Variants in CDKN2AIPNL observed in about 807,000 individuals in gnomAD.
The protein encoded by CDKN2AIPNL is XRN2 binding domain containing 1.
CDKN2AIPNL carries 9 observed loss-of-function variants against 12.9 expected under a neutral mutation model. That is an observed-to-expected ratio of 0.70 (90% confidence interval 0.42 to 1.22). The LOEUF (loss-of-function observed/expected upper bound fraction) is 1.22, where lower values mean the gene tolerates loss of function less well. Ranked by LOEUF, CDKN2AIPNL falls within the 50% of genes most tolerant of loss-of-function variation. CDKN2AIPNL has a pLI of 0.00. For missense variants in CDKN2AIPNL, 143 were observed against 153.6 expected (o/e 0.93, Z 0.37); for synonymous variants, 53 against 61.7 (o/e 0.86, Z 0.66).
chr5:134,410,263 G>A (rs1204165578), intron 1 of CDKN2AIPNL, among the ~76,000 whole-genome samples: 1 of 152,136 alleles, frequency 6.6e-6, no homozygotes, highest in Admixed American at 6.5e-5. Flanking sequence ...AGCCTCCCGA[G>A]TAGCTGGGAT....
At chr5:134,407,461 T>G (rs1759122228) in intron 2 of CDKN2AIPNL, among the ~76,000 whole-genome samples, 1 of 151,952 alleles carries the variant, frequency 6.6e-6, no homozygotes, top group Non-Finnish European at 1.5e-5. Context: ...AGAAGTATAA[T>G]GGAGAACTGA....
intron 2 of CDKN2AIPNL, among the ~76,000 whole-genome samples, chr5:134,408,302 C>A (rs1198105977): frequency 1.3e-5 from 2 of 151,886 alleles, no homozygotes; most frequent in Non-Finnish European, 2.9e-5. Flanking sequence ...TTAAGTATTA[C>A]ATGAGAAGAT....
chr5:134,410,969 T>G, intron 1 of CDKN2AIPNL: 1 of 700,630 alleles, frequency 1.4e-6, no homozygotes, highest in South Asian at 1.5e-5. Context: ...TTTGTCCTTT[T>G]GGTGCTGCAG....
At chr5:134,407,406 T>C (rs553025858) in intron 2 of CDKN2AIPNL, among the ~76,000 whole-genome samples, 6 of 152,130 alleles carry the variant, frequency 3.9e-5, no homozygotes, top group African/African-American at 1.4e-4. Context: ...ATACCCAACA[T>C]GACTGGAAAG....
intron 2 of CDKN2AIPNL, among the ~76,000 whole-genome samples, chr5:134,407,256 AACACACACACACACAC>A (rs5871539): frequency 5.0e-5 from 7 of 139,606 alleles, no homozygotes; most frequent in African/African-American, 8.1e-5. Context: ...GACCCTTCCT[AACACACACACACACAC>A]ACACACACAC....
chr5:134,410,795 A>C, intron 1 of CDKN2AIPNL: 4 of 550,892 alleles, frequency 7.3e-6, no homozygotes, highest in Non-Finnish European at 3.2e-6. Context: ...GACCAGAGTC[A>C]GGCAGCCATA....
intron 1 of CDKN2AIPNL, among the ~76,000 whole-genome samples, chr5:134,411,309 CTAA>C: frequency 6.6e-6 from 1 of 152,294 alleles, no homozygotes; most frequent in South Asian, 2.1e-4. Context: ...ATGGTTTGAG[CTAA>C]TAATAATAGT....
In CDKN2AIPNL at chr5:134,411,709, G is replaced by A. The variant is rs141490962; in HGVS notation, c.146C>T (p.Pro49Leu). Residue 49 changes from proline to leucine, a missense_variant, in exon 1 of 3, where the codon CCC becomes CTC. This residue lies in a region of CDKN2AIPNL where 111 missense variants were observed against 111.4 expected (regional missense o/e 1.00). Coordinates refer to ENST00000458198, the MANE Select transcript of CDKN2AIPNL (RefSeq NM_080656.3). Reference sequence around the variant, plus strand: ...GCCGTCGGGCGGGTCGCGGTAGTCGGGCAGGTGGCGCAGGATGAATTCCAT... The same window carrying A: ...GCCGTCGGGCGGGTCGCGGTAGTCGAGCAGGTGGCGCAGGATGAATTCCAT... ...ARMEFILRHL[P>L]DYRDPPDGSG... 2 of 1,613,194 alleles carry A rather than the reference G, an allele frequency of 1.2e-6. No homozygotes were observed. The highest frequency in any genetic ancestry group is 2.7e-5 in the African/African-American group (2 of 75,008).
At chr5:134,408,686 AAAACAAAC>A (rs745665460) in intron 2 of CDKN2AIPNL, among the ~76,000 whole-genome samples, 59 of 152,068 alleles carry the variant, frequency 3.9e-4, no homozygotes, top group African/African-American at 1.3e-3. Context: ...CTCCCTCTCA[AAAACAAAC>A]AAACAAACAA....
chr5:134,402,598 G>A lies in CDKN2AIPNL; in HGVS notation c.*317C>T, dbSNP rs919570380. ...TGCACCTTTGTGCTTCTGCCTGGGC[G>A]ACAGAGTGAGACCTTGTCGATAAGA... On this transcript the variant is annotated 3_prime_UTR_variant, in exon 3 of 3. Coordinates refer to ENST00000458198, the MANE Select transcript of CDKN2AIPNL (RefSeq NM_080656.3). 9 of 238,294 alleles carry A rather than the reference G, an allele frequency of 3.8e-5. 1 individual carries two copies. Among genetic ancestry groups the A allele is most frequent in the African/African-American group, 1.8e-4 (8 of 44,366 alleles). 14.8% of individuals were successfully genotyped at this position (238,294 alleles called of 1,614,324 possible).
chr5:134,403,060 A>G (rs1759052165), intron 2 of CDKN2AIPNL, 134 bp from the exon 3 acceptor site: 1 of 617,038 alleles, frequency 1.6e-6, no homozygotes, highest in Non-Finnish European at 2.5e-6. Context: ...AGAAATTATT[A>G]ATATTTTACA....
chr5:134,404,023 A>G (rs1759066918), intron 2 of CDKN2AIPNL, among the ~76,000 whole-genome samples: 2 of 152,204 alleles, frequency 1.3e-5, no homozygotes, highest in South Asian at 4.1e-4. Context: ...ACCTAAAGAA[A>G]CCATCTTAAG....
intron 2 of CDKN2AIPNL, among the ~76,000 whole-genome samples, chr5:134,404,344 G>A (rs1759069990): frequency 6.6e-6 from 1 of 152,098 alleles, no homozygotes; most frequent in Non-Finnish European, 1.5e-5. Flanking sequence ...TAACTTTGGA[G>A]ACAGGGTCTC....
At chr5:134,405,394 C>T (rs959138494) in intron 2 of CDKN2AIPNL, among the ~76,000 whole-genome samples, 1 of 151,494 alleles carries the variant, frequency 6.6e-6, no homozygotes, top group Admixed American at 6.6e-5. Context: ...CGTGAGCCAC[C>T]GCGCCCAGCC....
Position 134,411,719 on chromosome 5 carries a change from G to T in CDKN2AIPNL, c.136C>A (p.Arg46Ser). Residue 46 changes from arginine to serine, a missense_variant, in exon 1 of 3, where the codon CGC becomes AGC. Coordinates refer to ENST00000458198, the MANE Select transcript of CDKN2AIPNL (RefSeq NM_080656.3). ...QWKARMEFILRHLPDYRDPPD... is the reference protein window; with the variant it reads ...QWKARMEFILSHLPDYRDPPD... ...GGGTCGCGGTAGTCGGGCAGGTGGC[G>T]CAGGATGAATTCCATGCGGGCCTTC... 6.2e-7 allele frequency: 1 copy of T among 1,613,134 alleles called. No homozygotes were observed. The highest frequency in any genetic ancestry group is 1.1e-5 in the South Asian group (1 of 90,958).
chr5:134,405,420 T>A (rs1320606899), intron 2 of CDKN2AIPNL, among the ~76,000 whole-genome samples: 2 of 144,872 alleles, frequency 1.4e-5, no homozygotes, highest in African/African-American at 2.6e-5. Context: ...TTCTTTTTTT[T>A]AATTATTATT....
In CDKN2AIPNL at chr5:134,402,104, TATTTTTTTTGAGACGGTGTTTC is replaced by T; in HGVS notation, c.*789_*810del. The T allele has an allele frequency of 6.6e-6, 1 of 152,172 alleles. No individual in the cohort carries two copies. The highest frequency in any genetic ancestry group is 1.5e-5 in the Non-Finnish European group (1 of 68,044). 9.4% of individuals were successfully genotyped at this position (152,172 alleles called of 1,614,324 possible). ...AAAAGGCATTTTATTTTATTATTTT[TATTTTTTTTGAGACGGTGTTTC>T]ATTTTTGTCGCCCAGGATGGAGTGC... is the stretch of plus-strand genomic sequence containing the variant. On this transcript the variant is annotated 3_prime_UTR_variant, in exon 3 of 3. Transcript: ENST00000458198.
At chr5:134,409,310 G>A (rs1759156101) in intron 2 of CDKN2AIPNL, among the ~76,000 whole-genome samples, 1 of 152,188 alleles carries the variant, frequency 6.6e-6, no homozygotes, top group African/African-American at 2.4e-5. Flanking sequence ...ATTCTGAAAA[G>A]TATTAATAGC....
chr5:134,405,397 G>A (rs1259345295), intron 2 of CDKN2AIPNL, among the ~76,000 whole-genome samples: 1 of 151,376 alleles, frequency 6.6e-6, no homozygotes, highest in Non-Finnish European at 1.5e-5. Flanking sequence ...GAGCCACCGC[G>A]CCCAGCCCAT....
Sources: gnomAD v4.1 joint callset for allele counts (sites outside exome capture counted in the v4.1 genomes callset) on GRCh38, gnomAD v4.1.1 for gene constraint, gnomAD v4.1.1 regional missense constraint, MANE v1.5 for transcripts, NCBI Gene and HGNC (gene_info 2026-07-23, HGNC 2026-07-21) for gene names.